OSBPL11: variants seen among roughly 807,000 people sequenced by gnomAD.
The protein encoded by OSBPL11 is oxysterol-binding protein-related protein 11.
In OSBPL11, 33 loss-of-function variants were observed where a neutral mutation model predicts 84.4. The observed-to-expected ratio is 0.39, with a 90% CI of 0.30 to 0.52. The LOEUF is 0.52. Ranked by LOEUF, OSBPL11 falls within the 20% of genes least tolerant of loss-of-function variation. The pLI is 0.72. For synonymous variants in OSBPL11, 276 were observed against 310.2 expected, an observed-to-expected ratio of 0.89 and a Z score of 1.16; for missense variants, 736 against 901.1, an observed-to-expected ratio of 0.82 and a Z score of 2.35.
chr3:125,569,344 G>C (rs1030651111), intron 5 of OSBPL11, among the ~76,000 whole-genome samples: 3 of 152,062 alleles, frequency 2.0e-5, no homozygotes, highest in African/African-American at 7.2e-5. Context: ...AACAGTCCCT[G>C]AAAACATGTA....
At chr3:125,572,818 T>TA (rs1491437565) in intron 5 of OSBPL11, among the ~76,000 whole-genome samples, 19 of 128,250 alleles carry the variant, frequency 1.5e-4, no homozygotes, top group South Asian at 2.3e-4. Context: ...TATATATATA[T>TA]TTTTTATGTA....
At chr3:125,576,798 C>A (rs1013969693) in intron 4 of OSBPL11, among the ~76,000 whole-genome samples, 2 of 152,178 alleles carry the variant, frequency 1.3e-5, no homozygotes, top group African/African-American at 4.8e-5. Flanking sequence ...ATTCCCCTGC[C>A]TCAGCCTCCT....
chr3:125,560,527 GA>G lies in OSBPL11; in HGVS notation c.1015-9del, dbSNP rs771073709. 2 of 1,545,530 alleles carry G rather than the reference GA, an allele frequency of 1.3e-6. No homozygotes were observed. The highest frequency in any genetic ancestry group is 1.8e-6 in the Non-Finnish European group (2 of 1,141,236). Reference sequence around the variant, plus strand: ...ATTTATTTCTTCAGGCTCCTTGATGGAAAACAAAGCAAAAGTCTAGTATTTT... The same window carrying G: ...ATTTATTTCTTCAGGCTCCTTGATGGAAACAAAGCAAAAGTCTAGTATTTT... On this transcript the variant is annotated splice_polypyrimidine_tract_variant and intron_variant, in intron 7 of 12. Coordinates refer to ENST00000296220, the MANE Select transcript of OSBPL11 (RefSeq NM_022776.5).
chr3:125,594,232 A>T (rs1484290871), intron 1 of OSBPL11, among the ~76,000 whole-genome samples: 1 of 152,236 alleles, frequency 6.6e-6, no homozygotes, highest in Non-Finnish European at 1.5e-5. Context: ...CTGGACAAGT[A>T]AGTTTTGAGC....
chr3:125,547,070 T>C (rs536260703), intron 10 of OSBPL11, among the ~76,000 whole-genome samples: 3 of 152,276 alleles, frequency 2.0e-5, no homozygotes, highest in Non-Finnish European at 2.9e-5. Flanking sequence ...CCCTAACTTA[T>C]AGCTATAGCT....
chr3:125,591,209 C>CG (rs1317853193), intron 1 of OSBPL11, among the ~76,000 whole-genome samples: 5 of 152,208 alleles, frequency 3.3e-5, no homozygotes, highest in Admixed American at 6.5e-5. Context: ...TCCCCAAGTC[C>CG]GTTTTCCCCT....
intron 10 of OSBPL11, among the ~76,000 whole-genome samples, chr3:125,546,174 TGTG>T (rs779040374): frequency 1.1e-4 from 16 of 139,324 alleles, no homozygotes; most frequent in African/African-American, 2.3e-4. Context: ...TTTGTGTGTG[TGTG>T]TTTTTTTTTT....
intron 11 of OSBPL11, among the ~76,000 whole-genome samples, chr3:125,534,904 GAA>G (rs536674314): frequency 1.5e-4 from 15 of 100,194 alleles, no homozygotes; most frequent in Non-Finnish European, 2.4e-4. Flanking sequence ...GCCTTTTACA[GAA>G]AAAGTTTGCT....
chr3:125,542,388 C>T (rs1423434981), intron 10 of OSBPL11, among the ~76,000 whole-genome samples: 3 of 150,688 alleles, frequency 2.0e-5, no homozygotes, highest in Admixed American at 6.6e-5. Flanking sequence ...GGTGCGATCT[C>T]GGCTCGGCAC....
chr3:125,566,361 A>T (rs1936157333), intron 6 of OSBPL11, among the ~76,000 whole-genome samples: 1 of 152,032 alleles, frequency 6.6e-6, no homozygotes, highest in African/African-American at 2.4e-5. Flanking sequence ...GTGGACTATG[A>T]ATTTTTTAAG....
At chr3:125,557,960 T>C (rs1243727907) in intron 8 of OSBPL11, among the ~76,000 whole-genome samples, 1 of 151,918 alleles carries the variant, frequency 6.6e-6, no homozygotes, top group Non-Finnish European at 1.5e-5. Flanking sequence ...GCCCAGCTAA[T>C]TTTTGTATTT....
chr3:125,570,844 T>C (rs1013989886), intron 5 of OSBPL11, among the ~76,000 whole-genome samples: 1 of 152,214 alleles, frequency 6.6e-6, no homozygotes, highest in African/African-American at 2.4e-5. Flanking sequence ...GTCTCTGGTA[T>C]GTCTTTATCA....
chr3:125,565,258 T>C (rs993258087), intron 6 of OSBPL11, among the ~76,000 whole-genome samples: 11 of 151,984 alleles, frequency 7.2e-5, no homozygotes, highest in African/African-American at 2.4e-4. Context: ...AAAAAATATA[T>C]AATATATTGT....
intron 6 of OSBPL11, among the ~76,000 whole-genome samples, chr3:125,566,720 C>T (rs983763456): frequency 6.6e-6 from 1 of 151,634 alleles, no homozygotes; most frequent in African/African-American, 2.4e-5. Context: ...ATAACATTTC[C>T]CTAGCACAAT....
At chr3:125,557,437 A>G (rs553775207) in intron 8 of OSBPL11, among the ~76,000 whole-genome samples, 41 of 152,278 alleles carry the variant, frequency 2.7e-4, no homozygotes, top group African/African-American at 9.4e-4. Flanking sequence ...GCTAGAGTGC[A>G]GTGGCGCAAC....
chr3:125,566,705 G>A (rs1370890354), intron 6 of OSBPL11, among the ~76,000 whole-genome samples: 3 of 151,844 alleles, frequency 2.0e-5, no homozygotes, highest in Admixed American at 6.6e-5. Flanking sequence ...TTGTAGTCCC[G>A]TGCAATAACA....
intron 7 of OSBPL11, among the ~76,000 whole-genome samples, chr3:125,560,720 C>T (rs1173846321): frequency 6.6e-6 from 1 of 152,158 alleles, no homozygotes; most frequent in Non-Finnish European, 1.5e-5. Context: ...TGATGTTGAA[C>T]ATATTGCAGT....
rs62270202 is a variant in OSBPL11, at chr3:125,539,242, A to C, written c.1842-609T>G. On this transcript the variant is annotated intron_variant, in intron 10 of 12. Transcript: ENST00000296220. ...ACAAAAACTATCATTATCACCACAG[A>C]ACTCAGAGAGACCTTAAACACTACT... Among the ~76,000 whole-genome samples the C allele has an allele frequency of 3.2e-3, 446 of 141,586 alleles. 3 individuals carry two copies. The highest frequency in any genetic ancestry group is 4.5e-3 in the Non-Finnish European group (298 of 66,234). 92.9% of individuals were successfully genotyped at this position (141,586 alleles called of 152,430 possible).
At chr3:125,594,325 T>C (rs1559850999) in intron 1 of OSBPL11, among the ~76,000 whole-genome samples, 1 of 152,162 alleles carries the variant, frequency 6.6e-6, no homozygotes, top group Non-Finnish European at 1.5e-5. Flanking sequence ...GGCTTGTAAA[T>C]AAATTGCAAC....
Sources: allele counts gnomAD v4.1 joint callset (sites outside exome capture counted in the v4.1 genomes callset), GRCh38; gene constraint gnomAD v4.1.1; transcripts MANE v1.5; gene names NCBI Gene and HGNC (gene_info 2026-07-23, HGNC 2026-07-21).